The following MS4A13 variants were observed in gnomAD, a reference collection of about 807,000 sequenced individuals.
MS4A13 encodes membrane spanning 4-domains A13, also known as membrane-spanning 4-domains subfamily A member 13.
MS4A13 carries 21 observed loss-of-function variants against 18.4 expected under a neutral mutation model. The observed-to-expected ratio is 1.14, with a 90% CI of 0.81 to 1.64. The LOEUF (loss-of-function observed/expected upper bound fraction) is 1.64. Among genes scored for constraint, MS4A13 ranks in the 40% most tolerant of loss-of-function variants. The pLI, the probability that MS4A13 is intolerant of heterozygous loss-of-function variation, is 0.00. For missense variants in MS4A13, 173 were observed against 176.8 expected, an observed-to-expected ratio of 0.98 and a Z score of 0.12; for synonymous variants, 62 against 57.2, an observed-to-expected ratio of 1.08 and a Z score of -0.38.
intron 6 of MS4A13, among the ~76,000 whole-genome samples, chr11:60,538,202 A>AAAAAAAAAAAG (rs2086825403): frequency 6.6e-6 from 1 of 151,744 alleles, no homozygotes; most frequent in Non-Finnish European, 1.5e-5. Flanking sequence ...CGAAAAAAAA[A>AAAAAAAAAAAG]AACAAAGTTG....
At chr11:60,528,478 C>A (rs1259836480) in intron 5 of MS4A13, among the ~76,000 whole-genome samples, 1 of 152,158 alleles carries the variant, frequency 6.6e-6, no homozygotes, top group Non-Finnish European at 1.5e-5. Context: ...ATCTTTCTGT[C>A]TCTTCTACTT....
At chr11:60,527,242 G>C (rs189909208) in intron 5 of MS4A13, among the ~76,000 whole-genome samples, 4 of 151,906 alleles carry the variant, frequency 2.6e-5, no homozygotes, top group African/African-American at 9.7e-5. Flanking sequence ...GGGTTATCTT[G>C]GTTTTAAGTA....
downstream of MS4A13, among the ~76,000 whole-genome samples, chr11:60,543,094 G>T (rs1431848384): frequency 2.0e-5 from 3 of 151,846 alleles, no homozygotes; most frequent in East Asian, 5.8e-4. Flanking sequence ...GTTCCTTTCT[G>T]CCCTGAACAT....
chr11:60,518,254 T>C (rs1257261002), intron 3 of MS4A13, 42 bp downstream of exon 3: 1 of 1,502,666 alleles, frequency 6.7e-7, no homozygotes, highest in South Asian at 1.3e-5. Flanking sequence ...ATACAATAAA[T>C]AATATTCATG....
chr11:60,515,661 C>G (rs1375261924), intron 1 of MS4A13, 54 bp downstream of exon 1: 2 of 152,202 alleles, frequency 1.3e-5, no homozygotes, highest in Admixed American at 6.5e-5. Flanking sequence ...TAAAGGGACA[C>G]GGAGGCTGAT....
chr11:60,529,461 G>T lies in MS4A13; in HGVS notation c.402+1G>T, dbSNP rs1270753484. On this transcript the variant is annotated splice_donor_variant, in intron 6 of 6. Transcript: ENST00000378186. LOFTEE classifies it high-confidence loss of function. Reference sequence around the variant, plus strand: ...CTCAATATACAGCTGTTCCAATTTGGTAAGTGTTTACCCACTCTCTGGCAA... The same window carrying T: ...CTCAATATACAGCTGTTCCAATTTGTTAAGTGTTTACCCACTCTCTGGCAA... 3.8e-6 allele frequency: 6 copies of T among 1,573,486 alleles called. No homozygotes were observed. The highest frequency in any genetic ancestry group is 1.2e-5 in the South Asian group (1 of 86,090).
intron 2 of MS4A13, among the ~76,000 whole-genome samples, 173 bp downstream of exon 2, chr11:60,516,257 T>A (rs1007895824): frequency 6.6e-6 from 1 of 152,110 alleles, no homozygotes; most frequent in Non-Finnish European, 1.5e-5. Context: ...TGTTCCTTCA[T>A]GTGCTGAGAT....
intron 4 of MS4A13, among the ~76,000 whole-genome samples, chr11:60,524,176 A>G (rs1234430164): frequency 6.6e-6 from 1 of 152,202 alleles, no homozygotes; most frequent in Non-Finnish European, 1.5e-5. Flanking sequence ...AAATGTATAT[A>G]TAGTTTTTGT....
chr11:60,527,761 A>G (rs10897082), intron 5 of MS4A13, among the ~76,000 whole-genome samples: 24,970 of 152,004 alleles, frequency 0.16, 2,294 homozygotes, highest in East Asian at 0.27. Flanking sequence ...GCTTGAACCC[A>G]GGAGGCAGAG....
chr11:60,532,297 G>A (rs200192306), intron 6 of MS4A13, among the ~76,000 whole-genome samples: 9 of 152,298 alleles, frequency 5.9e-5, no homozygotes, highest in East Asian at 5.8e-4. Flanking sequence ...GACAGTGGGC[G>A]CAGGCCAGTG....
At chr11:60,532,207 C>G (rs1372089262) in intron 6 of MS4A13, among the ~76,000 whole-genome samples, 1 of 152,192 alleles carries the variant, frequency 6.6e-6, no homozygotes, top group South Asian at 2.1e-4. Flanking sequence ...GTCTACAGCT[C>G]CCAGCATGAG....
chr11:60,532,213 A>G (rs976444158), intron 6 of MS4A13, among the ~76,000 whole-genome samples: 1 of 152,206 alleles, frequency 6.6e-6, no homozygotes, highest in South Asian at 2.1e-4. Context: ...AGCTCCCAGC[A>G]TGAGCGACGC....
chr11:60,532,449 T>C (rs1219293518), intron 6 of MS4A13, among the ~76,000 whole-genome samples: 2 of 152,130 alleles, frequency 1.3e-5, no homozygotes, highest in Non-Finnish European at 2.9e-5. Context: ...CACCCGAATA[T>C]TGCGCTTTTC....
chr11:60,538,706 C>T (rs1374513251), intron 6 of MS4A13, among the ~76,000 whole-genome samples: 1 of 149,246 alleles, frequency 6.7e-6, no homozygotes, highest in Non-Finnish European at 1.5e-5. Flanking sequence ...ATCCCTATGA[C>T]TTTCACTTCC....
In MS4A13 at chr11:60,542,636, C is replaced by A; in HGVS notation, c.*61C>A. 1 of 989,032 alleles carries A rather than the reference C, an allele frequency of 1.0e-6. No homozygotes were observed. The highest frequency in any genetic ancestry group is 1.5e-6 in the Non-Finnish European group (1 of 664,426). The allele number at this position is 989,032 out of a possible 1,614,324, so 61.3% of individuals were successfully genotyped here. A position where few individuals can be genotyped will look rare whatever the true frequency, so the allele number is the denominator to read the frequency against. ...TGCCTGGTGTGGGTCCTAATGATATCTCTGTATAACAAAGCAGTTACGAAG... is the reference window on the plus strand; with the variant it reads ...TGCCTGGTGTGGGTCCTAATGATATATCTGTATAACAAAGCAGTTACGAAG... On this transcript the variant is annotated 3_prime_UTR_variant, in exon 7 of 7. Transcript: ENST00000378186.
intron 3 of MS4A13, among the ~76,000 whole-genome samples, chr11:60,520,952 A>G (rs2086669967): frequency 6.6e-6 from 1 of 152,240 alleles, no homozygotes; most frequent in Non-Finnish European, 1.5e-5. Flanking sequence ...TCTGAAATCT[A>G]GGCAGAGGTT....
At chr11:60,525,369 T>C (rs1435879914) in intron 5 of MS4A13, 43 bp downstream of exon 5, 2 of 1,353,010 alleles carry the variant, frequency 1.5e-6, no homozygotes, top group African/African-American at 3.0e-5. Context: ...TTTAAAATTA[T>C]TCTTTTTAAT....
At chr11:60,540,923 C>A (rs1435044031) in intron 6 of MS4A13, among the ~76,000 whole-genome samples, 1 of 150,548 alleles carries the variant, frequency 6.6e-6, no homozygotes, top group Non-Finnish European at 1.5e-5. Flanking sequence ...CCACCGTACC[C>A]CAGTGTGGGT....
At chr11:60,539,696 A>G (rs1197056886) in intron 6 of MS4A13, among the ~76,000 whole-genome samples, 1 of 147,590 alleles carries the variant, frequency 6.8e-6, no homozygotes, top group East Asian at 2.1e-4. Flanking sequence ...AAATCTTGAA[A>G]GCAGCAAAAA....
Sources: allele counts gnomAD v4.1 joint callset (sites outside exome capture counted in the v4.1 genomes callset), GRCh38; gene constraint gnomAD v4.1.1; transcripts MANE v1.5; gene names NCBI Gene and HGNC (gene_info 2026-07-23, HGNC 2026-07-21).